HK2: variants seen among roughly 807,000 people sequenced by gnomAD.
HK2 encodes hexokinase-2.
Under a neutral mutation model 92.9 loss-of-function variants are expected in HK2, and 42 were observed. The observed-to-expected ratio is 0.45, with a 90% CI of 0.35 to 0.58. The LOEUF is 0.58. Among genes scored for constraint, HK2 ranks in the 20% least tolerant of loss-of-function variants. The probability of loss-of-function intolerance (pLI) is 0.00; values close to 1 mark genes in which losing one functional copy is unlikely to be tolerated. For synonymous variants in HK2, 422 were observed against 468.0 expected (o/e 0.90, Z 1.27); for missense variants, 978 against 1,245.1 (o/e 0.79, Z 3.23).
intron 2 of HK2, 150 bp downstream of exon 2, chr2:74,854,605 G>A (rs747768103): frequency 5.0e-5 from 44 of 872,892 alleles, no homozygotes; most frequent in Non-Finnish European, 7.4e-5. Context: ...CTGTGTGACG[G>A]ATGGACAGGA....
At chr2:74,882,350 G>C in intron 12 of HK2, 111 bp downstream of exon 12, 1 of 1,532,138 alleles carries the variant, frequency 6.5e-7, no homozygotes, top group Non-Finnish European at 9.0e-7. Flanking sequence ...AAAGGAGGGC[G>C]TGAGTTACCA....
chr2:74,862,340 T>C (rs1459972459), intron 2 of HK2, among the ~76,000 whole-genome samples: 1 of 152,228 alleles, frequency 6.6e-6, no homozygotes. Context: ...TGTGGATTCT[T>C]CTCTTACTAA....
chr2:74,866,437 A>C (rs1414945103), intron 2 of HK2, among the ~76,000 whole-genome samples: 4 of 152,168 alleles, frequency 2.6e-5, no homozygotes, highest in Admixed American at 2.6e-4. Context: ...TGCTGCTCGC[A>C]GTTGGGGCAG....
chr2:74,877,800 C>T (rs1177308223), intron 8 of HK2, among the ~76,000 whole-genome samples: 2 of 152,324 alleles, frequency 1.3e-5, no homozygotes, highest in East Asian at 1.9e-4. Context: ...CTGGGGCCTG[C>T]ATTTTCACAG....
chr2:74,877,022 C>A, intron 7 of HK2, 144 bp from the exon 8 acceptor site: 1 of 1,091,742 alleles, frequency 9.2e-7, no homozygotes, highest in South Asian at 1.3e-5. Context: ...GCCGTCACCT[C>A]TCCACGTATC....
At chr2:74,876,508 G>C (rs771519859) in intron 7 of HK2, among the ~76,000 whole-genome samples, 30 of 152,184 alleles carry the variant, frequency 2.0e-4, no homozygotes, top group Non-Finnish European at 3.8e-4. Flanking sequence ...GCTGGTTTGG[G>C]GGCCGTCCCC....
chr2:74,867,785 G>T lies in HK2; in HGVS notation c.375+1G>T. ...CATCATGCGAGGCAGTGGCACCCAG[G>T]TATGACCCTTCTCTCAGGGCAGCCC... On this transcript the variant is annotated splice_donor_variant, in intron 3 of 17. Coordinates refer to ENST00000290573, the MANE Select transcript of HK2 (RefSeq NM_000189.5). LOFTEE classifies it high-confidence loss of function. 1.2e-6 allele frequency: 2 copies of T among 1,614,038 alleles called. No homozygotes were observed. Among genetic ancestry groups the T allele is most frequent in the Non-Finnish European group, 1.7e-6 (2 of 1,179,968 alleles).
chr2:74,857,806 T>C (rs1047897924), intron 2 of HK2, among the ~76,000 whole-genome samples: 7 of 152,132 alleles, frequency 4.6e-5, no homozygotes, highest in Admixed American at 2.0e-4. Context: ...AAATTCTCTA[T>C]TGTCAGCACC....
intron 16 of HK2, among the ~76,000 whole-genome samples, chr2:74,888,343 C>T (rs138440990): frequency 3.7e-4 from 57 of 152,350 alleles, no homozygotes; most frequent in African/African-American, 1.3e-3. Flanking sequence ...GATACCTGCT[C>T]ATAGCATGTA....
intron 3 of HK2, among the ~76,000 whole-genome samples, chr2:74,868,334 C>A (rs1214865973): frequency 6.6e-6 from 1 of 152,102 alleles, no homozygotes; most frequent in Admixed American, 6.6e-5. Context: ...AGGAGGGACA[C>A]AGAGGGTAGC....
Position 74,888,065 on chromosome 2 carries a change from G to A in HK2, c.2375+7G>A. The A allele has an allele frequency of 6.2e-7, 1 of 1,614,080 alleles. No homozygotes were observed. The highest frequency in any genetic ancestry group is 1.1e-5 in the South Asian group (1 of 91,082). ...TCTTGTCTCAGATTGAGAGGTGAGAGCTTAGGGCTCAGGGTAGCAGGGGGG... is the reference window on the plus strand; with the variant it reads ...TCTTGTCTCAGATTGAGAGGTGAGAACTTAGGGCTCAGGGTAGCAGGGGGG... On this transcript the variant is annotated splice_region_variant and intron_variant, in intron 16 of 17. Transcript: ENST00000290573.
In HK2 at chr2:74,877,341, C is replaced by T. The variant is rs370257597; in HGVS notation, c.1031+20C>T. ...TGAAGGGTGAGCTTCTGGCCAGCCC[C>T]CTCTATTTGCTGGATCACCACACGA... On this transcript the variant is annotated intron_variant, in intron 8 of 17. Transcript: ENST00000290573. 1.0e-4 allele frequency: 163 copies of T among 1,613,878 alleles called. 1 individual carries two copies. The highest frequency in any genetic ancestry group is 3.5e-4 in the Admixed American group (21 of 60,004).
intron 1 of HK2, among the ~76,000 whole-genome samples, chr2:74,835,969 T>A (rs1270064216): frequency 6.6e-6 from 1 of 152,174 alleles, no homozygotes; most frequent in African/African-American, 2.4e-5. Context: ...AAGCAGAAGT[T>A]ACCCAGCCTC....
chr2:74,884,652 A>C (rs1689477674), intron 12 of HK2, among the ~76,000 whole-genome samples: 1 of 152,230 alleles, frequency 6.6e-6, no homozygotes, highest in South Asian at 2.1e-4. Flanking sequence ...TCCCTGAGCA[A>C]GGCCTGGAGA....
At chr2:74,855,328 C>T (rs1688669358) in intron 2 of HK2, among the ~76,000 whole-genome samples, 2 of 152,190 alleles carry the variant, frequency 1.3e-5, no homozygotes, top group East Asian at 3.9e-4. Context: ...AGAAGTCCTG[C>T]AATACAAACC....
chr2:74,875,967 A>G (rs2103969376), intron 7 of HK2, among the ~76,000 whole-genome samples: 1 of 152,288 alleles, frequency 6.6e-6, no homozygotes, highest in African/African-American at 2.4e-5. Flanking sequence ...GTCCCCTCTA[A>G]TATATTTCCA....
chr2:74,876,125 A>G (rs1330044211), intron 7 of HK2, among the ~76,000 whole-genome samples: 2 of 152,322 alleles, frequency 1.3e-5, no homozygotes, highest in Non-Finnish European at 2.9e-5. Context: ...TGGGTGCACT[A>G]ACATTTAAAA....
At chr2:74,885,883 CACAG>C (rs1375890413) in intron 13 of HK2, among the ~76,000 whole-genome samples, 4 of 149,752 alleles carry the variant, frequency 2.7e-5, no homozygotes, top group Non-Finnish European at 5.9e-5. Context: ...CACACACACA[CACAG>C]TAAAGGAATA....
intron 1 of HK2, among the ~76,000 whole-genome samples, chr2:74,849,291 G>A (rs1275689871): frequency 6.6e-6 from 1 of 152,218 alleles, no homozygotes; most frequent in Non-Finnish European, 1.5e-5. Flanking sequence ...AAGTGGGCAT[G>A]TCAGACTGGT....
Sources: gnomAD v4.1 joint callset for allele counts (sites outside exome capture counted in the v4.1 genomes callset) on GRCh38, gnomAD v4.1.1 for gene constraint, MANE v1.5 for transcripts, NCBI Gene and HGNC (gene_info 2026-07-23, HGNC 2026-07-21) for gene names.